Variants in THEMIS2 observed in about 807,000 individuals in gnomAD.
The protein encoded by THEMIS2 is thymocyte selection associated family member 2.
Under a neutral mutation model 46.8 loss-of-function variants are expected in THEMIS2, and 29 were observed. The ratio of observed to expected loss-of-function variants is 0.62; its 90% CI spans 0.46 to 0.84. THEMIS2 has a LOEUF of 0.84. Ranked by LOEUF, THEMIS2 falls within the 40% of genes least tolerant of loss-of-function variation. THEMIS2 has a pLI of 0.00. For missense variants in THEMIS2, 698 were observed against 834.7 expected (o/e 0.84, Z 2.02); for synonymous variants, 335 against 349.1 (o/e 0.96, Z 0.45).
chr1:27,881,021 C>T (rs1299854187), intron 3 of THEMIS2, among the ~76,000 whole-genome samples: 2 of 152,138 alleles, frequency 1.3e-5, no homozygotes, highest in East Asian at 2.0e-4. Context: ...CTCAGGTGAT[C>T]TGCCCACCTC....
rs113306073 is a variant in THEMIS2 at position 27,875,993 on chromosome 1, C to T, written c.95-595C>T. On this transcript the variant is annotated intron_variant, in intron 1 of 5. Coordinates refer to ENST00000373921, the MANE Select transcript of THEMIS2 (RefSeq NM_001105556.3). ...CTGGGATTACAGGCGTGAGCCACCGCGCCCAACCCTCACTTACACACTTTA... is the reference window on the plus strand; with the variant it reads ...CTGGGATTACAGGCGTGAGCCACCGTGCCCAACCCTCACTTACACACTTTA... Among the ~76,000 whole-genome samples the T allele has an allele frequency of 6.0e-3, 906 of 152,164 alleles. 17 individuals carry two copies. The highest frequency in any genetic ancestry group is 0.021 in the African/African-American group (854 of 41,534).
intron 4 of THEMIS2, 139 bp downstream of exon 4, chr1:27,883,182 T>A: frequency 1.4e-6 from 1 of 720,362 alleles, no homozygotes; most frequent in Non-Finnish European, 2.2e-6. Context: ...CCCATTATTC[T>A]CATTCCACCT....
chr1:27,879,605 C>A (rs2089642645), intron 2 of THEMIS2, 39 bp from the exon 3 acceptor site: 2 of 1,527,958 alleles, frequency 1.3e-6, no homozygotes, highest in Non-Finnish European at 1.8e-6. Flanking sequence ...CACCCTGACA[C>A]CCCACAGTGA....
rs1430900517 is a variant in THEMIS2, at chr1:27,882,465, C to CAGGCCCATG, written c.1142_1150dup (p.His383_Gly384insGluAlaHis). 1 of 1,613,032 alleles carries CAGGCCCATG rather than the reference C, an allele frequency of 6.2e-7. No homozygotes were observed. Among genetic ancestry groups the CAGGCCCATG allele is most frequent in the African/African-American group, 1.3e-5 (1 of 74,924 alleles). ...CCGGCTGGAGGTGCTGGGGCCTGGC[C>CAGGCCCATG]AGGCCCATGGGGCCCAGGGCAGTGA... On this transcript the variant is annotated inframe_insertion, in exon 4 of 6. Transcript: ENST00000373921. This position sits in a 1 kb window ranked among gnomAD's most constrained non-coding sequence, Gnocchi z 7.6.
At chr1:27,880,632 T>G (rs569334651) in intron 3 of THEMIS2, among the ~76,000 whole-genome samples, 1 of 152,282 alleles carries the variant, frequency 6.6e-6, no homozygotes, top group Admixed American at 6.5e-5. Context: ...TCTACAAAAA[T>G]TTTTTTAAAA....
chr1:27,881,794 T>C (rs1304933614), intron 3 of THEMIS2, among the ~76,000 whole-genome samples, 177 bp from the exon 4 acceptor site: 1 of 151,554 alleles, frequency 6.6e-6, no homozygotes, highest in Non-Finnish European at 1.5e-5. Flanking sequence ...TGCCATTGCA[T>C]TCCAGCCTGT....
intron 2 of THEMIS2, 76 bp from the exon 3 acceptor site, chr1:27,879,568 G>C: frequency 7.6e-7 from 1 of 1,311,160 alleles, no homozygotes; most frequent in Non-Finnish European, 1.1e-6. Flanking sequence ...GGCCAGACTG[G>C]GGTCTGGACC....
At position 27,872,653 on chromosome 1, in the gene THEMIS2, G is replaced by T; in HGVS notation, c.82G>T (p.Val28Phe). ...GCGCGTGCTGCGGGTCTGCTCGGGG[G>T]TCTACTTCGAGGGTGAGCGGGGGCT... ...LPRVLRVCSGVYFEGSIYEIS... is the reference protein window; with the variant it reads ...LPRVLRVCSGFYFEGSIYEIS... The change falls in exon 1 of 6, where the codon GTC (valine) becomes TTC (phenylalanine). Residue 28 changes from valine (V) to phenylalanine (F), a missense_variant. Transcript: ENST00000373921. The surrounding 1 kb of genome is among the most constrained non-coding windows in gnomAD (Gnocchi z 4.9). 3 of 1,423,118 alleles carry T rather than the reference G, an allele frequency of 2.1e-6. No individual in the cohort carries two copies. Among genetic ancestry groups the T allele is most frequent in the Middle Eastern group, 1.8e-4 (1 of 5,428 alleles). 88.2% of individuals were successfully genotyped at this position (1,423,118 alleles called of 1,614,324 possible).
chr1:27,876,548 G>A, intron 1 of THEMIS2, 40 bp from the exon 2 acceptor site: 1 of 1,604,366 alleles, frequency 6.2e-7, no homozygotes, highest in Non-Finnish European at 8.5e-7. Context: ...CCAGCACTTG[G>A]CCCTTGTCCA....
Position 27,882,682 on chromosome 1 carries a change from G to T in THEMIS2, c.1358G>T (p.Cys453Phe), listed in dbSNP as rs1267224755. Residue 453 changes from cysteine (C) to phenylalanine (F), a missense_variant, in exon 4 of 6, where the codon TGT becomes TTT. Cys to Phe is a radical substitution (Grantham distance 205). Coordinates refer to ENST00000373921, the MANE Select transcript of THEMIS2 (RefSeq NM_001105556.3). This position sits in a 1 kb window ranked among gnomAD's most constrained non-coding sequence, Gnocchi z 7.6. Reference protein sequence around the residue: ...ADLTAQFSLPCEVKVVAKDTS... With the variant: ...ADLTAQFSLPFEVKVVAKDTS... ...CTGACTGCCCAGTTTTCACTGCCTT[G>T]TGAGGTCAAGGTGGTGGCCAAGGAC... The T allele has an allele frequency of 6.2e-7, 1 of 1,614,096 alleles. No homozygotes were observed. Among genetic ancestry groups the T allele is most frequent in the Admixed American group, 1.7e-5 (1 of 60,010 alleles).
At chr1:27,879,221 T>C (rs1373418511) in intron 2 of THEMIS2, among the ~76,000 whole-genome samples, 1 of 151,890 alleles carries the variant, frequency 6.6e-6, no homozygotes, top group East Asian at 1.9e-4. Context: ...GCTCCTGGGA[T>C]GTTCGTTTGG....
Position 27,879,775 on chromosome 1 carries a change from GTGGTGA to G in THEMIS2, c.368_373del (p.Val123_Thr125delinsAla). 6.2e-7 allele frequency: 1 copy of G among 1,614,154 alleles called. No homozygotes were observed. The highest frequency in any genetic ancestry group is 8.5e-7 in the Non-Finnish European group (1 of 1,180,002). The stretch of plus-strand genomic sequence containing the variant: ...CCACAGGATTGTCACAGAGGGCAGG[GTGGTGA>G]CTGAGGACCAGCTCCTCATGCTTGA... On this transcript the variant is annotated inframe_deletion, in exon 3 of 6. Coordinates refer to ENST00000373921, the MANE Select transcript of THEMIS2 (RefSeq NM_001105556.3).
chr1:27,883,916 G>A (rs2089727248), intron 4 of THEMIS2: 1 of 152,258 alleles, frequency 6.6e-6, no homozygotes. Flanking sequence ...TGCTAAACGG[G>A]GCCAAACAGA....
chr1:27,882,298 G>A lies in THEMIS2; in HGVS notation c.974G>A (p.Arg325Gln), dbSNP rs1483042627. 8.7e-6 allele frequency: 14 copies of A among 1,602,162 alleles called. No individual in the cohort carries two copies. Among genetic ancestry groups the A allele is most frequent in the African/African-American group, 2.7e-5 (2 of 74,666 alleles). Reference protein sequence around the residue: ...LVSGGYQGKLRRRPREFPTAY... With the variant: ...LVSGGYQGKLQRRPREFPTAY... ...TCAGGGGGCTACCAAGGCAAGCTGC[G>A]GCGGCGGCCAAGGGAGTTCCCCACG... The change falls in exon 4 of 6, where the codon CGG (arginine) becomes CAG (glutamine). Residue 325 changes from arginine to glutamine, a missense_variant. Transcript: ENST00000373921. This position sits in a 1 kb window ranked among gnomAD's most constrained non-coding sequence, Gnocchi z 7.6.
At chr1:27,881,322 G>A (rs965460192) in intron 3 of THEMIS2, among the ~76,000 whole-genome samples, 2 of 150,362 alleles carry the variant, frequency 1.3e-5, no homozygotes, top group African/African-American at 2.5e-5. Context: ...GTGGTGGCGG[G>A]CACCTGTAGT....
intron 3 of THEMIS2, among the ~76,000 whole-genome samples, chr1:27,880,820 C>A (rs2089667000): frequency 6.6e-6 from 1 of 152,082 alleles, no homozygotes; most frequent in South Asian, 2.1e-4. Flanking sequence ...GCTCTGTCAC[C>A]CAGGCTGGAG....
At chr1:27,884,918 T>G in intron 4 of THEMIS2, 1 of 176,568 alleles carries the variant, frequency 5.7e-6, no homozygotes, top group Non-Finnish European at 1.2e-5. Context: ...GAAGTCCTCT[T>G]TCTTCTGGGC....
chr1:27,878,068 T>G (rs2089612198), intron 2 of THEMIS2, among the ~76,000 whole-genome samples: 1 of 144,644 alleles, frequency 6.9e-6, no homozygotes. Flanking sequence ...GAGAATCACT[T>G]GAACCTGGGA....
intron 2 of THEMIS2, among the ~76,000 whole-genome samples, chr1:27,877,320 AT>A (rs200817055): frequency 2.0e-5 from 3 of 151,318 alleles, no homozygotes; most frequent in Non-Finnish European, 2.9e-5. Flanking sequence ...AATTCTTATT[AT>A]TTTTTTTTAT....
Sources: allele counts gnomAD v4.1 joint callset (sites outside exome capture counted in the v4.1 genomes callset), GRCh38; gene constraint gnomAD v4.1.1; non-coding constraint Gnocchi (gnomAD v3.1); transcripts MANE v1.5; gene names NCBI Gene and HGNC (gene_info 2026-07-23, HGNC 2026-07-21).